ELF2: variants seen among roughly 807,000 people sequenced by gnomAD.
The protein encoded by ELF2 is E74 like ETS transcription factor 2, also known as ETS-related transcription factor Elf-2.
A neutral mutation model predicts 54.8 loss-of-function variants in ELF2; 11 were observed. The observed-to-expected ratio is 0.20, with a 90% CI of 0.13 to 0.33. The LOEUF (loss-of-function observed/expected upper bound fraction) is 0.33, where lower values mean the gene tolerates loss of function less well. ELF2 is among the 10% of genes least tolerant of loss of function. The pLI, the probability that ELF2 is intolerant of heterozygous loss-of-function variation, is 1.00. For synonymous variants in ELF2, 203 were observed against 245.1 expected, an observed-to-expected ratio of 0.83 and a Z score of 1.61; for missense variants, 513 against 703.0, an observed-to-expected ratio of 0.73 and a Z score of 3.06.
chr4:139,155,661 C>A (rs1372013018), intron 1 of ELF2, among the ~76,000 whole-genome samples: 1 of 152,122 alleles, frequency 6.6e-6, no homozygotes, highest in Non-Finnish European at 1.5e-5. Flanking sequence ...ATTTAGATGT[C>A]ATTCTTATTT....
intron 1 of ELF2, among the ~76,000 whole-genome samples, chr4:139,147,829 C>A (rs1166145774): frequency 1.4e-5 from 2 of 142,084 alleles, no homozygotes; most frequent in Non-Finnish European, 3.1e-5. Flanking sequence ...TCTTGTTGCC[C>A]AGGCTGGAGT....
At chr4:139,095,517 G>T (rs1432192696) in intron 4 of ELF2, among the ~76,000 whole-genome samples, 1 of 151,980 alleles carries the variant, frequency 6.6e-6, no homozygotes, top group Non-Finnish European at 1.5e-5. Flanking sequence ...TCTTTATCAG[G>T]TTCCAATCCA....
At chr4:139,081,313 G>A (rs1165432983) in intron 4 of ELF2, among the ~76,000 whole-genome samples, 1 of 152,096 alleles carries the variant, frequency 6.6e-6, no homozygotes, top group Non-Finnish European at 1.5e-5. Flanking sequence ...ATGCACATGT[G>A]ATACTTAACA....
intron 1 of ELF2, among the ~76,000 whole-genome samples, chr4:139,170,072 A>T (rs896128713): frequency 6.6e-6 from 1 of 152,134 alleles, no homozygotes; most frequent in African/African-American, 2.4e-5. Context: ...TTAATTCAAA[A>T]TAGATGATAA....
At chr4:139,089,143 T>C (rs1732322919) in intron 4 of ELF2, among the ~76,000 whole-genome samples, 1 of 152,228 alleles carries the variant, frequency 6.6e-6, no homozygotes, top group African/African-American at 2.4e-5. Context: ...TAGGTCCTAA[T>C]TTCCAATTGT....
chr4:139,067,023 C>A (rs1728804057), intron 7 of ELF2: 1 of 151,998 alleles, frequency 6.6e-6, no homozygotes, highest in African/African-American at 2.4e-5. Flanking sequence ...CCTATAGTCC[C>A]AGCACTTTCA....
intron 4 of ELF2, among the ~76,000 whole-genome samples, chr4:139,109,431 A>T (rs914015126): frequency 1.3e-5 from 2 of 152,202 alleles, no homozygotes; most frequent in Non-Finnish European, 2.9e-5. Context: ...GCTATTTATG[A>T]CTGTGCCAAA....
chr4:139,077,895 G>T (rs932927772), intron 4 of ELF2, among the ~76,000 whole-genome samples: 2 of 152,138 alleles, frequency 1.3e-5, no homozygotes, highest in African/African-American at 4.8e-5. Context: ...TAGAAACAAT[G>T]AAGCTAAAAG....
intron 4 of ELF2, among the ~76,000 whole-genome samples, chr4:139,123,911 T>C (rs1736643925): frequency 6.6e-6 from 1 of 152,226 alleles, no homozygotes; most frequent in Admixed American, 6.5e-5. Flanking sequence ...AATTCAACTC[T>C]GCCACTATAC....
At chr4:139,170,875 AGCTGAGATTACAG>A (rs917855262) in intron 1 of ELF2, among the ~76,000 whole-genome samples, 51 of 151,974 alleles carry the variant, frequency 3.4e-4, no homozygotes, top group African/African-American at 1.1e-3. Flanking sequence ...CCTTCTGAGT[AGCTGAGATTACAG>A]GCATGCGCCA....
At chr4:139,176,081 C>T (rs140918759) in intron 1 of ELF2, among the ~76,000 whole-genome samples, 1 of 152,322 alleles carries the variant, frequency 6.6e-6, no homozygotes, top group East Asian at 1.9e-4. Context: ...CTGGCAGAGC[C>T]CTCCCTGTCC....
intron 4 of ELF2, among the ~76,000 whole-genome samples, chr4:139,079,219 C>T (rs1412070488): frequency 2.0e-5 from 3 of 152,108 alleles, no homozygotes; most frequent in Non-Finnish European, 4.4e-5. Context: ...CATAAATCAC[C>T]ATGCCTGGCC....
intron 1 of ELF2, among the ~76,000 whole-genome samples, chr4:139,150,734 G>A (rs2148883261): frequency 6.6e-6 from 1 of 151,886 alleles, no homozygotes; most frequent in South Asian, 2.1e-4. Context: ...CAATGAAAAA[G>A]AGAGCTAGCT....
At chr4:139,088,839 A>T (rs1201417473) in intron 4 of ELF2, among the ~76,000 whole-genome samples, 1 of 152,048 alleles carries the variant, frequency 6.6e-6, no homozygotes, top group Non-Finnish European at 1.5e-5. Flanking sequence ...GCTCACCGCA[A>T]CCTGCGCCTC....
chr4:139,061,177 A>AT (rs554564096), intron 8 of ELF2, among the ~76,000 whole-genome samples: 2,915 of 140,000 alleles, frequency 0.021, 37 homozygotes, highest in Admixed American at 0.027. Flanking sequence ...CAAACTGATA[A>AT]TTTTTTTTTT....
chr4:139,134,028 G>A (rs1039092741), intron 3 of ELF2, among the ~76,000 whole-genome samples: 2 of 152,106 alleles, frequency 1.3e-5, no homozygotes, highest in Admixed American at 6.5e-5. Context: ...GTGCAATGTT[G>A]AATAAAGGTG....
intron 1 of ELF2, among the ~76,000 whole-genome samples, chr4:139,147,777 GA>G (rs1739389237): frequency 7.1e-6 from 1 of 141,066 alleles, no homozygotes; most frequent in African/African-American, 2.6e-5. Context: ...CCCAGCCAGA[GA>G]TTTTTTTTTT....
At chr4:139,081,429 T>C (rs1731099333) in intron 4 of ELF2, among the ~76,000 whole-genome samples, 1 of 152,200 alleles carries the variant, frequency 6.6e-6, no homozygotes, top group Non-Finnish European at 1.5e-5. Flanking sequence ...AAACATGTTA[T>C]GCTGAAAATA....
intron 1 of ELF2, among the ~76,000 whole-genome samples, chr4:139,140,135 T>C: frequency 6.6e-6 from 1 of 152,158 alleles, no homozygotes; most frequent in Non-Finnish European, 1.5e-5. Context: ...AAATATAAGA[T>C]ATTGCTATGT....
Sources: allele counts gnomAD v4.1 joint callset (sites outside exome capture counted in the v4.1 genomes callset), GRCh38; gene constraint gnomAD v4.1.1; transcripts MANE v1.5; gene names NCBI Gene and HGNC (gene_info 2026-07-23, HGNC 2026-07-21).